Variants in GLE1 observed in about 807,000 individuals in gnomAD.
GLE1 encodes mRNA export factor GLE1.
A neutral mutation model predicts 97.3 loss-of-function variants in GLE1; 78 were observed. The observed-to-expected ratio is 0.80, with a 90% CI of 0.67 to 0.97. The LOEUF is 0.97. Among genes scored for constraint, GLE1 ranks in the 50% least tolerant of loss-of-function variants. The pLI is 0.00. For missense variants in GLE1, 753 were observed against 857.5 expected (o/e 0.88, Z 1.52); for synonymous variants, 302 against 313.4 (o/e 0.96, Z 0.39).
At chr9:128,523,902 G>T in intron 6 of GLE1, 56 bp downstream of exon 6, 1 of 1,584,526 alleles carries the variant, frequency 6.3e-7, no homozygotes, top group Non-Finnish European at 8.7e-7. Context: ...GCCTTTAAAA[G>T]CAAAACTGTT....
rs751057699 is a variant in GLE1 at position 128,523,668 on chromosome 9, A to G, written c.719A>G (p.Glu240Gly). 4.3e-6 allele frequency: 7 copies of G among 1,614,138 alleles called. No homozygotes were observed. The highest frequency in any genetic ancestry group is 5.1e-6 in the Non-Finnish European group (6 of 1,180,022). The change falls in exon 6 of 16, where the codon GAA becomes GGA. Residue 240 changes from glutamate (E) to glycine (G), a missense_variant. Coordinates refer to ENST00000309971, the MANE Select transcript of GLE1 (RefSeq NM_001003722.2). The part of the protein sequence containing the change: ...QAEQERLRKE[E>G]GQIRLRALYA... Reference sequence around the variant, plus strand: ...GAACAGGAGCGGCTTCGGAAGGAAGAAGGCCAGATCCGCCTGCGGGCCCTC... The same window carrying G: ...GAACAGGAGCGGCTTCGGAAGGAAGGAGGCCAGATCCGCCTGCGGGCCCTC...
chr9:128,506,460 C>G (rs1382881973), intron 1 of GLE1, among the ~76,000 whole-genome samples: 1 of 152,166 alleles, frequency 6.6e-6, no homozygotes, highest in East Asian at 1.9e-4. Context: ...TTCCTGTGTT[C>G]CTGTGACATA....
intron 6 of GLE1, among the ~76,000 whole-genome samples, chr9:128,524,391 G>A (rs895214088): frequency 6.0e-5 from 9 of 150,168 alleles, no homozygotes; most frequent in Non-Finnish European, 1.5e-5. Flanking sequence ...TTTTTGTTTC[G>A]TTTTGTTTTT....
chr9:128,539,700 TA>T lies in GLE1; in HGVS notation c.1964+3del. Reference sequence around the variant, plus strand: ...CATCAAAGAGGACTACTTTCCCAGGTATCAGGCTTGTTGAGCAGACAGCAGG... The same window carrying T: ...CATCAAAGAGGACTACTTTCCCAGGTTCAGGCTTGTTGAGCAGACAGCAGG... On this transcript the variant is annotated splice_donor_region_variant and intron_variant, in intron 14 of 15. Coordinates refer to ENST00000309971, the MANE Select transcript of GLE1 (RefSeq NM_001003722.2). 1 of 1,613,558 alleles carries T rather than the reference TA, an allele frequency of 6.2e-7. No individual in the cohort carries two copies. The highest frequency in any genetic ancestry group is 1.1e-5 in the South Asian group (1 of 91,070).
chr9:128,540,293 C>T lies in GLE1; in HGVS notation c.1983C>T (p.Ser661=). Residue 661 remains serine, a synonymous_variant, in exon 15 of 16, where the codon AGC becomes AGT. Coordinates refer to ENST00000309971, the MANE Select transcript of GLE1 (RefSeq NM_001003722.2). The part of the protein sequence containing the change: ...DYFPRIEAIT[S]SGQMGSFIRL... ...CCTGTAGAATTGAAGCTATCACAAGCTCAGGACAGATGGGCTCCTTCATAC... is the reference window on the plus strand; with the variant it reads ...CCTGTAGAATTGAAGCTATCACAAGTTCAGGACAGATGGGCTCCTTCATAC... The T allele has an allele frequency of 1.2e-6, 2 of 1,608,696 alleles. No homozygotes were observed. The highest frequency in any genetic ancestry group is 1.1e-5 in the South Asian group (1 of 90,936).
intron 9 of GLE1, among the ~76,000 whole-genome samples, chr9:128,533,262 A>G (rs1160780181): frequency 6.8e-6 from 1 of 146,800 alleles, no homozygotes; most frequent in Admixed American, 6.8e-5. Context: ...CATCTCTACA[A>G]AAAAAAAAAA....
intron 1 of GLE1, among the ~76,000 whole-genome samples, chr9:128,506,632 G>A (rs1316067550): frequency 6.6e-6 from 1 of 152,180 alleles, no homozygotes; most frequent in Non-Finnish European, 1.5e-5. Flanking sequence ...TGGGAGTTGA[G>A]TGTGTTGAGA....
chr9:128,512,738 A>G (rs1363068753), intron 2 of GLE1, among the ~76,000 whole-genome samples: 1 of 151,094 alleles, frequency 6.6e-6, no homozygotes, highest in Non-Finnish European at 1.5e-5. Context: ...CGTGATCTCG[A>G]CTCACTGCAA....
chr9:128,540,864 G>T (rs1030239360), intron 15 of GLE1: 3 of 549,572 alleles, frequency 5.5e-6, no homozygotes, highest in African/African-American at 3.8e-5. Flanking sequence ...GATGAGGTTA[G>T]CCTGTAGGGA....
At chr9:128,513,555 A>G (rs1846886046) in intron 2 of GLE1, among the ~76,000 whole-genome samples, 1 of 151,976 alleles carries the variant, frequency 6.6e-6, no homozygotes, top group Non-Finnish European at 1.5e-5. Context: ...CATATTTACA[A>G]AAAAATTACC....
intron 11 of GLE1, among the ~76,000 whole-genome samples, chr9:128,534,250 T>A (rs1564157567): frequency 6.6e-6 from 1 of 151,972 alleles, no homozygotes; most frequent in African/African-American, 2.4e-5. Context: ...ACACCTGTAG[T>A]CCCAGCTACT....
In GLE1 at chr9:128,539,668, T is replaced by C. The variant is rs1834149291; in HGVS notation, c.1934T>C (p.Leu645Pro). 2 of 1,611,842 alleles carry C rather than the reference T, an allele frequency of 1.2e-6. No homozygotes were observed. Among genetic ancestry groups the C allele is most frequent in the Non-Finnish European group, 8.5e-7 (1 of 1,178,030 alleles). Residue 645 changes from leucine (L) to proline (P), a missense_variant, in exon 14 of 16, where the codon CTA becomes CCA. Transcript: ENST00000309971. ...KQYQVQFWKMLILIKEDYFPR... is the reference protein window; with the variant it reads ...KQYQVQFWKMPILIKEDYFPR... ...TACCAGGTTCAGTTCTGGAAGATGC[T>C]AATTCTCATCAAAGAGGACTACTTT...
At chr9:128,507,977 C>G (rs28868410) in intron 1 of GLE1, among the ~76,000 whole-genome samples, 32,596 of 151,410 alleles carry the variant, frequency 0.22, 3,705 homozygotes, top group East Asian at 0.39. Context: ...GTCAGGAGTT[C>G]GAGACCAGCC....
rs751017409 is a variant in GLE1 at position 128,523,581 on chromosome 9, C to G, written c.643-11C>G. 2.5e-5 allele frequency: 41 copies of G among 1,613,754 alleles called. No individual in the cohort carries two copies. The highest frequency in any genetic ancestry group is 3.3e-5 in the Non-Finnish European group (39 of 1,180,020). On this transcript the variant is annotated splice_polypyrimidine_tract_variant and intron_variant, in intron 5 of 15. Coordinates refer to ENST00000309971, the MANE Select transcript of GLE1 (RefSeq NM_001003722.2). ...CCCCTCAGAGAGAAGTCACTCAGCC[C>G]TTTTCTACAGATTCTCAACCTGAAG...
chr9:128,504,803 A>G lies in GLE1; in HGVS notation c.-3A>G, dbSNP rs758040433. The G allele has an allele frequency of 2.4e-5, 38 of 1,602,420 alleles. No homozygotes were observed. Among genetic ancestry groups the G allele is most frequent in the Admixed American group, 5.0e-5 (3 of 59,996 alleles). On this transcript the variant is annotated 5_prime_UTR_variant, in exon 1 of 16. Coordinates refer to ENST00000309971, the MANE Select transcript of GLE1 (RefSeq NM_001003722.2). Reference sequence around the variant, plus strand: ...CGTCAGAGAAGCTGCCCCTTAGCCAACCATGCCGTCTGAGGGTCGCTGCTG... The same window carrying G: ...CGTCAGAGAAGCTGCCCCTTAGCCAGCCATGCCGTCTGAGGGTCGCTGCTG...
intron 4 of GLE1, 48 bp downstream of exon 4, chr9:128,522,864 A>G (rs1055503608): frequency 1.2e-6 from 2 of 1,601,984 alleles, no homozygotes; most frequent in Non-Finnish European, 1.7e-6. Flanking sequence ...GTTCAACTGG[A>G]ACTCTTTCCC....
chr9:128,532,293 C>T (rs1199425502), intron 9 of GLE1, among the ~76,000 whole-genome samples: 2 of 134,884 alleles, frequency 1.5e-5, no homozygotes, highest in Non-Finnish European at 3.1e-5. Context: ...GGCACAATCT[C>T]GGCTCACTGT....
chr9:128,524,828 G>T, intron 6 of GLE1, among the ~76,000 whole-genome samples: 2 of 151,838 alleles, frequency 1.3e-5, no homozygotes, highest in Middle Eastern at 3.4e-3. Context: ...GGAGGCAAAG[G>T]TTGCAATGAC....
rs1004561370 is a variant in GLE1 at position 128,525,387 on chromosome 9, G to A, written c.1093G>A (p.Ala365Thr). ...QGPEAHKEPPAPSQGPGGKQN... is the reference protein window; with the variant it reads ...QGPEAHKEPPTPSQGPGGKQN... Reference sequence around the variant, plus strand: ...ACCAGAGGCCCACAAAGAGCCCCCAGCTCCCAGCCAGGGCCCAGGAGGGAA... The same window carrying A: ...ACCAGAGGCCCACAAAGAGCCCCCAACTCCCAGCCAGGGCCCAGGAGGGAA... Residue 365 changes from alanine to threonine, a missense_variant, in exon 7 of 16, where the codon GCT (alanine) becomes ACT (threonine). By Grantham distance (58) the Ala-to-Thr change is moderately conservative. Transcript: ENST00000309971. 6.2e-7 allele frequency: 1 copy of A among 1,610,724 alleles called. No homozygotes were observed.
Sources: allele counts gnomAD v4.1 joint callset (sites outside exome capture counted in the v4.1 genomes callset), GRCh38; gene constraint gnomAD v4.1.1; transcripts MANE v1.5; gene names NCBI Gene and HGNC (gene_info 2026-07-23, HGNC 2026-07-21).